Variants in AUTS2 observed in about 807,000 individuals in gnomAD.
AUTS2 encodes the protein activator of transcription and developmental regulator AUTS2.
In AUTS2, 17 loss-of-function variants were observed where a neutral mutation model predicts 112.4. The ratio of observed to expected loss-of-function variants is 0.15; its 90% confidence interval spans 0.10 to 0.23. The LOEUF (loss-of-function observed/expected upper bound fraction) is 0.23, where lower values mean the gene tolerates loss of function less well. Ranked by LOEUF, AUTS2 falls within the 10% of genes least tolerant of loss-of-function variation. AUTS2 has a pLI of 1.00. For missense variants in AUTS2, 1,510 were observed against 1,701.6 expected (o/e 0.89, Z 1.98); for synonymous variants, 751 against 702.7 (o/e 1.07, Z -1.09).
intron 1 of AUTS2, among the ~76,000 whole-genome samples, chr7:69,879,009 C>T (rs996078303): frequency 6.6e-6 from 1 of 152,150 alleles, no homozygotes; most frequent in African/African-American, 2.4e-5. Context: ...CTTTGAGATG[C>T]AGACTGGGGC....
Position 70,766,432 on chromosome 7 carries a change from C to T in AUTS2, c.1689+98C>T, listed in dbSNP as rs773510064. 2.3e-5 allele frequency: 33 copies of T among 1,420,960 alleles called. No individual in the cohort carries two copies. The Admixed American group carries it at 4.4e-4, about 19-fold the overall frequency. 88.0% of individuals were successfully genotyped at this position (1,420,960 alleles called of 1,614,324 possible). A position where few individuals can be genotyped will look rare whatever the true frequency, so the allele number is the denominator to read the frequency against. ...GCTGGGCAGCGGGGCCACCAGAGAT[C>T]GAATGGGGACTGACGGCTGTTGGCT... On this transcript the variant is annotated intron_variant, in intron 9 of 18. Coordinates refer to ENST00000342771, the MANE Select transcript of AUTS2 (RefSeq NM_015570.4). This position sits in a 1 kb window ranked among gnomAD's most constrained non-coding sequence, Gnocchi z 4.8.
chr7:70,435,977 C>A (rs987606099), intron 5 of AUTS2, 196 bp downstream of exon 5: 4 of 524,690 alleles, frequency 7.6e-6, no homozygotes, highest in Admixed American at 3.5e-5. Flanking sequence ...ACCTTTTTTT[C>A]ATTTAAACAA....
chr7:70,738,848 A>C (rs1787926993), intron 6 of AUTS2, among the ~76,000 whole-genome samples: 1 of 152,130 alleles, frequency 6.6e-6, no homozygotes, highest in Non-Finnish European at 1.5e-5. Flanking sequence ...CAAGGAAATT[A>C]ACCTGGTTTC....
intron 5 of AUTS2, among the ~76,000 whole-genome samples, chr7:70,582,144 A>G (rs943755517): frequency 3.3e-4 from 50 of 152,054 alleles, no homozygotes; most frequent in African/African-American, 1.2e-3. Flanking sequence ...CTTATCGAAG[A>G]AAGGAAATTA....
intron 1 of AUTS2, among the ~76,000 whole-genome samples, chr7:69,848,265 C>T (rs1490301580): frequency 6.6e-6 from 1 of 152,140 alleles, no homozygotes; most frequent in Non-Finnish European, 1.5e-5. Flanking sequence ...TATCTGTAAC[C>T]CCATTAAGAG....
chr7:70,614,897 A>G (rs1438671667), intron 5 of AUTS2, among the ~76,000 whole-genome samples: 1 of 152,200 alleles, frequency 6.6e-6, no homozygotes, highest in African/African-American at 2.4e-5. Flanking sequence ...CTGCAGGGCT[A>G]ACCTGCACCA....
intron 1 of AUTS2, among the ~76,000 whole-genome samples, chr7:69,643,642 C>G (rs373900949): frequency 9.9e-5 from 15 of 152,236 alleles, no homozygotes; most frequent in East Asian, 7.7e-4. Context: ...GCCAACCCCC[C>G]ACCCCGCCCC....
chr7:70,432,724 A>G (rs1585138106), intron 4 of AUTS2, among the ~76,000 whole-genome samples: 2 of 152,180 alleles, frequency 1.3e-5, no homozygotes, highest in African/African-American at 4.8e-5. Flanking sequence ...TGCATAATTT[A>G]TGAGCTGGAG....
rs1056545039 is a variant in AUTS2, at chr7:70,763,414, G to T, written c.1214+73G>T. On this transcript the variant is annotated intron_variant, in intron 7 of 18. Coordinates refer to ENST00000342771, the MANE Select transcript of AUTS2 (RefSeq NM_015570.4). ...GATCAGGTGGGTGGGAGTCGGGGAG[G>T]GATCCCTAGGGAGACTGAGGTTTCC... 5.6e-6 allele frequency: 6 copies of T among 1,073,326 alleles called. No individual in the cohort carries two copies. The Admixed American group carries it at 1.5e-4, about 27-fold the overall frequency. 66.5% of individuals were successfully genotyped at this position (1,073,326 alleles called of 1,614,324 possible). A position where few individuals can be genotyped will look rare whatever the true frequency, so the allele number is the denominator to read the frequency against.
At chr7:70,425,741 T>G (rs1469139080) in intron 4 of AUTS2, among the ~76,000 whole-genome samples, 1 of 152,196 alleles carries the variant, frequency 6.6e-6, no homozygotes. Context: ...GTATGTGAAA[T>G]CAGTGAAGAA....
At position 70,306,253 on chromosome 7, in the gene AUTS2, A is replaced by G. The variant is rs1214561921; in HGVS notation, c.661-129499A>G. On this transcript the variant is annotated intron_variant, in intron 4 of 18. Transcript: ENST00000342771. ...CCGGGTCTGATTGGTGAGTGATGGT[A>G]GTAGATAAAACTAGTCTTAAAGTCA... Among the ~76,000 whole-genome samples, 4 of 152,204 alleles carry G rather than the reference A, an allele frequency of 2.6e-5. No homozygotes were observed. The East Asian group carries it at 7.7e-4, about 29-fold the overall frequency.
chr7:69,600,152 T>A (rs1241759921), intron 1 of AUTS2, among the ~76,000 whole-genome samples, 190 bp downstream of exon 1: 3 of 149,054 alleles, frequency 2.0e-5, no homozygotes, highest in Non-Finnish European at 4.5e-5. Context: ...CAGGAGGGAG[T>A]CGCAAAGCCG....
intron 4 of AUTS2, among the ~76,000 whole-genome samples, chr7:70,206,490 A>C (rs1436067673): frequency 1.3e-5 from 2 of 152,202 alleles, no homozygotes; most frequent in African/African-American, 4.8e-5. Context: ...AATGATTTAA[A>C]ATTCCACAAA....
rs1467709456 is a variant in AUTS2, at chr7:69,602,084, GTGTGTGTGTA to G, written c.309+2124_309+2133del. Among the ~76,000 whole-genome samples the G allele has an allele frequency of 2.2e-3, 205 of 93,128 alleles. 1 individual carries two copies. The highest frequency in any genetic ancestry group is 6.3e-3 in the South Asian group (18 of 2,872). 61.1% of individuals were successfully genotyped at this position (93,128 alleles called of 152,430 possible). On this transcript the variant is annotated intron_variant, in intron 1 of 18. Transcript: ENST00000342771. Reference sequence around the variant, plus strand: ...TGTGTGTGTGTGTGTGTGTGTGTGTGTGTGTGTGTATATCTCACTTATGCAGTTCTTTTTG... The same window carrying G: ...TGTGTGTGTGTGTGTGTGTGTGTGTGTATCTCACTTATGCAGTTCTTTTTG...
At chr7:69,917,822 TTTGTTG>T (rs58362194) in intron 2 of AUTS2, among the ~76,000 whole-genome samples, 3,037 of 149,222 alleles carry the variant, frequency 0.02, 93 homozygotes, top group African/African-American at 0.062. Flanking sequence ...CAAGGACACC[TTTGTTG>T]TTGTTGTTGT....
At chr7:70,267,510 A>G (rs891147738) in intron 4 of AUTS2, among the ~76,000 whole-genome samples, 2 of 152,140 alleles carry the variant, frequency 1.3e-5, no homozygotes, top group African/African-American at 4.8e-5. Flanking sequence ...TAGGACATGA[A>G]TGGGCTTTTG....
At chr7:69,910,592 C>T (rs1477848115) in intron 2 of AUTS2, among the ~76,000 whole-genome samples, 2 of 152,138 alleles carry the variant, frequency 1.3e-5, no homozygotes. Context: ...GCAAATAGAG[C>T]ATTTGTGCAG....
intron 1 of AUTS2, among the ~76,000 whole-genome samples, chr7:69,717,003 G>A (rs1244731487): frequency 1.3e-5 from 2 of 152,156 alleles, no homozygotes; most frequent in African/African-American, 2.4e-5. Flanking sequence ...TAGCTCTTGC[G>A]AAGCTCATTT....
chr7:70,565,023 G>A (rs556124655), intron 5 of AUTS2, among the ~76,000 whole-genome samples: 19 of 152,224 alleles, frequency 1.2e-4, no homozygotes, highest in Non-Finnish European at 1.5e-4. Flanking sequence ...GCTTGAACCC[G>A]GGAGGGAGAG....
Sources: allele counts gnomAD v4.1 joint callset (sites outside exome capture counted in the v4.1 genomes callset), GRCh38; gene constraint gnomAD v4.1.1; non-coding constraint Gnocchi (gnomAD v3.1); transcripts MANE v1.5; gene names NCBI Gene and HGNC (gene_info 2026-07-23, HGNC 2026-07-21).